Variants in EPB41L4B observed in about 807,000 individuals in gnomAD.
EPB41L4B encodes band 4.1-like protein 4B.
In EPB41L4B, 30 loss-of-function variants were observed where a neutral mutation model predicts 112.5. The observed-to-expected ratio is 0.27, with a 90% CI of 0.20 to 0.36. EPB41L4B has a LOEUF of 0.36. EPB41L4B is among the 10% of genes least tolerant of loss of function. EPB41L4B has a pLI of 1.00. For missense variants in EPB41L4B, 1,024 were observed against 1,133.3 expected, an observed-to-expected ratio of 0.90 and a Z score of 1.38; for synonymous variants, 408 against 439.7, an observed-to-expected ratio of 0.93 and a Z score of 0.90.
At chr9:109,185,957 C>T (rs138644877) in intron 22 of EPB41L4B, among the ~76,000 whole-genome samples, 2,210 of 152,124 alleles carry the variant, frequency 0.015, 24 homozygotes, top group Non-Finnish European at 0.024. Context: ...TCTTGGCACG[C>T]GGTTGAGGGT....
At chr9:109,226,560 G>A (rs529150737) in intron 15 of EPB41L4B, among the ~76,000 whole-genome samples, 3 of 145,254 alleles carry the variant, frequency 2.1e-5, no homozygotes, top group African/African-American at 7.7e-5. Context: ...TTCAGTTTTC[G>A]GATTGCCCAT....
chr9:109,225,473 C>T (rs1833726487), intron 15 of EPB41L4B, among the ~76,000 whole-genome samples: 1 of 152,152 alleles, frequency 6.6e-6, no homozygotes, highest in African/African-American at 2.4e-5. Context: ...TGGCGGTAGA[C>T]AAGAGAGAAT....
At chr9:109,316,832 T>C (rs761317978) in intron 1 of EPB41L4B, among the ~76,000 whole-genome samples, 31 of 152,212 alleles carry the variant, frequency 2.0e-4, no homozygotes, top group Non-Finnish European at 3.8e-4. Flanking sequence ...CCAAGCGCAG[T>C]GGCTCATGCC....
intron 1 of EPB41L4B, chr9:109,300,927 C>T (rs989281450): frequency 6.6e-5 from 10 of 152,152 alleles, no homozygotes; most frequent in Admixed American, 1.3e-4. Flanking sequence ...AGGAGGACTG[C>T]CCCCACTAAC....
chr9:109,217,414 G>A (rs937241528), intron 15 of EPB41L4B, among the ~76,000 whole-genome samples: 1 of 151,874 alleles, frequency 6.6e-6, no homozygotes, highest in African/African-American at 2.4e-5. Context: ...TTTTTTTAAA[G>A]GCATTCTCTA....
intron 8 of EPB41L4B, 67 bp from the exon 9 acceptor site, chr9:109,256,291 T>C: frequency 6.3e-7 from 1 of 1,587,860 alleles, no homozygotes; most frequent in Non-Finnish European, 8.6e-7. Flanking sequence ...GAATGCAAAA[T>C]GCAAAAACAG....
chr9:109,198,277 A>C (rs1453231940), intron 20 of EPB41L4B, among the ~76,000 whole-genome samples: 1 of 152,046 alleles, frequency 6.6e-6, no homozygotes, highest in Non-Finnish European at 1.5e-5. Flanking sequence ...CCTAAACTCC[A>C]TCTTTCCTCA....
chr9:109,182,838 G>C (rs778371568), intron 23 of EPB41L4B, 41 bp from the exon 24 acceptor site: 2 of 1,449,500 alleles, frequency 1.4e-6, no homozygotes, highest in Admixed American at 1.7e-5. Flanking sequence ...CTTCAGATTA[G>C]AAAACAAAGT....
chr9:109,207,493 G>A (rs577353989), intron 18 of EPB41L4B, among the ~76,000 whole-genome samples: 1 of 152,194 alleles, frequency 6.6e-6, no homozygotes, highest in African/African-American at 2.4e-5. Context: ...GATTGATTGA[G>A]GCTGTGAGGT....
chr9:109,258,811 G>A (rs1564300343), intron 6 of EPB41L4B, among the ~76,000 whole-genome samples: 1 of 152,196 alleles, frequency 6.6e-6, no homozygotes, highest in Non-Finnish European at 1.5e-5. Flanking sequence ...CAGGGAGGAG[G>A]GGTGCGAGGG....
At chr9:109,307,144 C>T (rs751079539) in intron 1 of EPB41L4B, 35 of 384,006 alleles carry the variant, frequency 9.1e-5, no homozygotes, top group Non-Finnish European at 1.4e-4. Flanking sequence ...TTCCCTGAAG[C>T]GAGTTAATAA....
At chr9:109,239,691 A>C in intron 15 of EPB41L4B, 1 of 302,146 alleles carries the variant, frequency 3.3e-6, no homozygotes, top group East Asian at 1.7e-4. Context: ...CATACTGGTG[A>C]GGCTTCTTGG....
chr9:109,270,675 A>G (rs1430568105), intron 2 of EPB41L4B, among the ~76,000 whole-genome samples: 1 of 152,220 alleles, frequency 6.6e-6, no homozygotes, highest in African/African-American at 2.4e-5. Context: ...CTTGTCACTT[A>G]AAGGAGCTTG....
chr9:109,320,030 G>A (rs1195128751), intron 1 of EPB41L4B, 111 bp downstream of exon 1: 2 of 845,154 alleles, frequency 2.4e-6, no homozygotes, highest in Non-Finnish European at 3.2e-6. Flanking sequence ...GATGGGGGAG[G>A]GGATCCCCAG....
At chr9:109,303,120 T>TA (rs966991495) in intron 1 of EPB41L4B, among the ~76,000 whole-genome samples, 2 of 149,006 alleles carry the variant, frequency 1.3e-5, no homozygotes, top group African/African-American at 4.9e-5. Flanking sequence ...AAAAAAGGGG[T>TA]AAAAAAAGGG....
At chr9:109,258,759 G>C in intron 6 of EPB41L4B, among the ~76,000 whole-genome samples, 1 of 152,178 alleles carries the variant, frequency 6.6e-6, no homozygotes, top group East Asian at 1.9e-4. Context: ...AGCATCCAGG[G>C]GGAAAGTAGG....
chr9:109,195,946 AT>A (rs1166201720), intron 20 of EPB41L4B, among the ~76,000 whole-genome samples: 2 of 152,158 alleles, frequency 1.3e-5, no homozygotes, highest in African/African-American at 4.8e-5. Context: ...TAAATTCATG[AT>A]AAAGTCATAA....
At chr9:109,294,447 T>G (rs1032665950) in intron 1 of EPB41L4B, among the ~76,000 whole-genome samples, 16 of 152,078 alleles carry the variant, frequency 1.1e-4, no homozygotes, top group African/African-American at 3.4e-4. Flanking sequence ...AGACCTGATC[T>G]CTACTAAAAA....
intron 11 of EPB41L4B, 23 bp from the exon 12 acceptor site, chr9:109,253,573 T>A: frequency 1.1e-5 from 16 of 1,466,342 alleles, no homozygotes; most frequent in Non-Finnish European, 1.3e-5. Flanking sequence ...TATTTTCTCG[T>A]GTGTTATCAA....
Sources: allele counts gnomAD v4.1 joint callset (sites outside exome capture counted in the v4.1 genomes callset), GRCh38; gene constraint gnomAD v4.1.1; transcripts MANE v1.5; gene names NCBI Gene and HGNC (gene_info 2026-07-23, HGNC 2026-07-21).